The following IL1RAP variants were observed in gnomAD, a reference collection of about 807,000 sequenced individuals.
IL1RAP encodes interleukin-1 receptor accessory protein.
IL1RAP carries 35 observed loss-of-function variants against 60.7 expected under a neutral mutation model. The observed-to-expected ratio is 0.58, with a 90% confidence interval of 0.44 to 0.76. The LOEUF is 0.76. Ranked by LOEUF, IL1RAP falls within the 30% of genes least tolerant of loss-of-function variation. The probability of loss-of-function intolerance (pLI) is 0.00; values close to 1 mark genes in which losing one functional copy is unlikely to be tolerated. For missense variants in IL1RAP, 572 were observed against 693.9 expected, an observed-to-expected ratio of 0.82 and a Z score of 1.97; for synonymous variants, 268 against 250.9, an observed-to-expected ratio of 1.07 and a Z score of -0.64.
chr3:190,525,826 G>T (rs1722466283), intron 1 of IL1RAP, among the ~76,000 whole-genome samples: 3 of 152,148 alleles, frequency 2.0e-5, no homozygotes, highest in African/African-American at 7.2e-5. Context: ...GGAAATGTAT[G>T]CACTATTGCT....
chr3:190,607,487 G>T (rs78799322), intron 4 of IL1RAP, among the ~76,000 whole-genome samples: 50 of 152,172 alleles, frequency 3.3e-4, no homozygotes, highest in African/African-American at 1.2e-3. Context: ...GAGGATAAGC[G>T]TACGTATCTA....
At chr3:190,644,871 C>T (rs1048095868) in intron 10 of IL1RAP, among the ~76,000 whole-genome samples, 1 of 152,158 alleles carries the variant, frequency 6.6e-6, no homozygotes, top group South Asian at 2.1e-4. Context: ...AGCCACATTT[C>T]GAGTGAGCAA....
intron 1 of IL1RAP, among the ~76,000 whole-genome samples, chr3:190,549,448 C>G (rs1373390572): frequency 6.6e-6 from 1 of 152,112 alleles, no homozygotes. Flanking sequence ...CCTCAGAGGC[C>G]TATGTAAGGG....
At chr3:190,581,624 G>A (rs919740182) in intron 3 of IL1RAP, among the ~76,000 whole-genome samples, 5 of 152,170 alleles carry the variant, frequency 3.3e-5, no homozygotes, top group South Asian at 2.1e-4. Context: ...AAAATCAGTT[G>A]CTTGACAACC....
intron 2 of IL1RAP, among the ~76,000 whole-genome samples, chr3:190,557,303 G>A (rs186429968): frequency 1.3e-5 from 2 of 152,270 alleles, no homozygotes; most frequent in Admixed American, 1.3e-4. Flanking sequence ...AGGACTTCAT[G>A]ATGGTATTTC....
At chr3:190,592,243 C>G (rs1729008837) in intron 3 of IL1RAP, among the ~76,000 whole-genome samples, 1 of 152,208 alleles carries the variant, frequency 6.6e-6, no homozygotes, top group South Asian at 2.1e-4. Flanking sequence ...TGGTCTCGAA[C>G]TCGACCTCAG....
chr3:190,566,044 C>G (rs566270476), intron 3 of IL1RAP, among the ~76,000 whole-genome samples: 12 of 152,060 alleles, frequency 7.9e-5, no homozygotes, highest in Non-Finnish European at 7.4e-5. Context: ...TGTCCTTCCT[C>G]CTTTTCTGCC....
intron 9 of IL1RAP, among the ~76,000 whole-genome samples, chr3:190,635,896 T>G (rs75730773): frequency 6.6e-6 from 1 of 152,324 alleles, no homozygotes; most frequent in Non-Finnish European, 1.5e-5. Flanking sequence ...AGTTCCGGAC[T>G]CAGTGCTGGC....
In IL1RAP at chr3:190,609,043, A is replaced by G. The variant is rs1336147664; in HGVS notation, c.399A>G (p.Gln133=). 6.8e-6 allele frequency: 11 copies of G among 1,613,550 alleles called. No homozygotes were observed. The highest frequency in any genetic ancestry group is 2.2e-5 in the South Asian group (2 of 91,058). ...TTGCATTTCCCTTGGAAGTTGTTCA[A>G]AAAGACAGCTGTTTCAATTCCCCCA... The part of the protein sequence containing the change: ...SKVAFPLEVV[Q]KDSCFNSPMK... Residue 133 remains glutamine, a synonymous_variant, in exon 5 of 12, where the codon CAA becomes CAG. Transcript: ENST00000447382.
intron 1 of IL1RAP, among the ~76,000 whole-genome samples, chr3:190,544,316 G>C (rs910225807): frequency 3.9e-5 from 6 of 152,136 alleles, no homozygotes; most frequent in African/African-American, 1.4e-4. Context: ...TCTGGAAGTA[G>C]TGAAATTATA....
intron 5 of IL1RAP, among the ~76,000 whole-genome samples, chr3:190,612,426 T>C (rs370772057): frequency 2.6e-5 from 4 of 152,252 alleles, no homozygotes; most frequent in African/African-American, 7.2e-5. Flanking sequence ...TCTCCTTTTT[T>C]CCTCATGCAT....
rs1731678298 is a variant in IL1RAP at position 190,620,419 on chromosome 3, A to G, written c.682A>G (p.Thr228Ala). The change falls in exon 6 of 12, where the codon ACT becomes GCT. Residue 228 changes from threonine (T) to alanine (A), a missense_variant. Transcript: ENST00000447382. ...ENGRTFHLTR[T>A]LTVKVVGSPK... ...TGGACGTACGTTTCATCTCACCAGG[A>G]CTCTGACTGTAAAGGTAGTAGGTAA... 2 of 1,611,858 alleles carry G rather than the reference A, an allele frequency of 1.2e-6. No homozygotes were observed. Among genetic ancestry groups the G allele is most frequent in the East Asian group, 2.2e-5 (1 of 44,830 alleles).
chr3:190,618,807 C>T (rs879640281), intron 5 of IL1RAP, among the ~76,000 whole-genome samples: 2 of 151,992 alleles, frequency 1.3e-5, no homozygotes, highest in Non-Finnish European at 2.9e-5. Flanking sequence ...GGAGAAGCTG[C>T]GTTGAAAAAA....
chr3:190,582,834 T>A (rs1728125156), intron 3 of IL1RAP, among the ~76,000 whole-genome samples: 1 of 152,250 alleles, frequency 6.6e-6, no homozygotes, highest in African/African-American at 2.4e-5. Flanking sequence ...TATGTTCAAA[T>A]TCCTACCTGT....
chr3:190,567,292 C>T (rs1726498973), intron 3 of IL1RAP, among the ~76,000 whole-genome samples: 1 of 151,916 alleles, frequency 6.6e-6, no homozygotes, highest in Admixed American at 6.6e-5. Context: ...GCTTTATTTC[C>T]CTTTAAGGAA....
At chr3:190,562,278 C>A (rs574460063) in intron 2 of IL1RAP, among the ~76,000 whole-genome samples, 2 of 152,264 alleles carry the variant, frequency 1.3e-5, no homozygotes, top group African/African-American at 4.8e-5. Flanking sequence ...CTTTTATTGT[C>A]TTGGCTGGAG....
chr3:190,564,076 A>G (rs1726150390), intron 2 of IL1RAP: 2 of 543,364 alleles, frequency 3.7e-6, no homozygotes, highest in East Asian at 3.0e-5. Context: ...CTTTATCTGC[A>G]TGTAATATGG....
rs202113914 is a variant in IL1RAP at position 190,614,333 on chromosome 3, TAAGA to T, written c.537+5161_537+5164del. Among the ~76,000 whole-genome samples, 349 of 152,012 alleles carry T rather than the reference TAAGA, an allele frequency of 2.3e-3. 2 individuals carry two copies. Among genetic ancestry groups the T allele is most frequent in the African/African-American group, 6.9e-3 (286 of 41,490 alleles). ...TCTGAAAGATGAAAGCTGCTAATCT[TAAGA>T]AAGAAAGAGGAAACTAATATTTCTT... On this transcript the variant is annotated intron_variant, in intron 5 of 11. Coordinates refer to ENST00000447382, the MANE Select transcript of IL1RAP (RefSeq NM_002182.4).
chr3:190,546,155 T>C (rs1724351510), intron 1 of IL1RAP, among the ~76,000 whole-genome samples: 1 of 152,222 alleles, frequency 6.6e-6, no homozygotes, highest in African/African-American at 2.4e-5. Context: ...CCCAGGGTTT[T>C]AAGGGACTTC....
Sources: gnomAD v4.1 joint callset for allele counts (sites outside exome capture counted in the v4.1 genomes callset) on GRCh38, gnomAD v4.1.1 for gene constraint, MANE v1.5 for transcripts, NCBI Gene and HGNC (gene_info 2026-07-23, HGNC 2026-07-21) for gene names.